The following COL24A1 variants were observed in gnomAD, a reference collection of about 807,000 sequenced individuals.
COL24A1 encodes the protein collagen alpha-1(XXIV) chain.
Under a neutral mutation model 253.9 loss-of-function variants are expected in COL24A1, and 224 were observed. The observed-to-expected ratio is 0.88, with a 90% CI of 0.79 to 0.99. COL24A1 has a LOEUF of 0.99. Ranked by LOEUF, COL24A1 falls within the 50% of genes least tolerant of loss-of-function variation. The pLI, the probability that COL24A1 is intolerant of heterozygous loss-of-function variation, is 0.00. For missense variants in COL24A1, 2,131 were observed against 2,068.5 expected, an observed-to-expected ratio of 1.03 and a Z score of -0.59; for synonymous variants, 685 against 673.7, an observed-to-expected ratio of 1.02 and a Z score of -0.26.
chr1:85,875,813 G>A (rs990394734), intron 33 of COL24A1, among the ~76,000 whole-genome samples: 3 of 150,446 alleles, frequency 2.0e-5, no homozygotes, highest in African/African-American at 7.4e-5. Flanking sequence ...ATTTTTGTTG[G>A]GAAGCTTTCA....
At chr1:85,981,124 A>G (rs1311128346) in intron 20 of COL24A1, among the ~76,000 whole-genome samples, 1 of 152,196 alleles carries the variant, frequency 6.6e-6, no homozygotes, top group African/African-American at 2.4e-5. Context: ...TACCATCATC[A>G]TTCTTCATGG....
chr1:86,055,373 C>A (rs1263816753), intron 10 of COL24A1, among the ~76,000 whole-genome samples: 3 of 152,070 alleles, frequency 2.0e-5, no homozygotes, highest in African/African-American at 7.2e-5. Context: ...AAGTGTGAAA[C>A]CTAACTAAAG....
At chr1:86,153,075 T>C (rs1365845852) in intron 1 of COL24A1, among the ~76,000 whole-genome samples, 1 of 152,198 alleles carries the variant, frequency 6.6e-6, no homozygotes, top group African/African-American at 2.4e-5. Flanking sequence ...GGCCCTCAAA[T>C]GCACTGTGCT....
chr1:85,861,914 C>A (rs963378182), intron 37 of COL24A1, among the ~76,000 whole-genome samples: 1 of 151,946 alleles, frequency 6.6e-6, no homozygotes. Flanking sequence ...ATACTCAGCT[C>A]ATTCTCACCT....
intron 19 of COL24A1, among the ~76,000 whole-genome samples, chr1:86,012,378 A>G (rs1346598276): frequency 6.6e-6 from 1 of 152,150 alleles, no homozygotes; most frequent in Non-Finnish European, 1.5e-5. Flanking sequence ...TCACGAGGTC[A>G]GGAGATCAAG....
chr1:85,824,649 A>G (rs1014516679), intron 43 of COL24A1, among the ~76,000 whole-genome samples: 8 of 152,128 alleles, frequency 5.3e-5, no homozygotes, highest in South Asian at 4.1e-4. Context: ...TTCTCCTAAG[A>G]AGGAATGCTG....
chr1:85,948,891 G>A (rs932456835), intron 24 of COL24A1, among the ~76,000 whole-genome samples: 13 of 151,886 alleles, frequency 8.6e-5, no homozygotes, highest in African/African-American at 2.7e-4. Context: ...CTGGCAAGCT[G>A]AATCTAACAG....
chr1:85,945,018 T>TTTTTTTTTTTTTTTTTTG (rs1689175327), intron 24 of COL24A1, among the ~76,000 whole-genome samples: 1 of 86,838 alleles, frequency 1.2e-5, no homozygotes, highest in African/African-American at 4.3e-5. Context: ...TTTTTTTTTT[T>TTTTTTTTTTTTTTTTTTG]TTTTTTTTTT....
At chr1:85,921,004 A>G (rs1360939070) in intron 24 of COL24A1, among the ~76,000 whole-genome samples, 2 of 152,158 alleles carry the variant, frequency 1.3e-5, no homozygotes, top group African/African-American at 4.8e-5. Context: ...ATGGCCAAAT[A>G]GGAACAGCTC....
chr1:85,878,840 T>C (rs745643176), intron 32 of COL24A1, among the ~76,000 whole-genome samples: 2 of 152,232 alleles, frequency 1.3e-5, no homozygotes, highest in Non-Finnish European at 2.9e-5. Flanking sequence ...ACATATGATG[T>C]TGAGCATATT....
At chr1:85,743,304 T>C (rs570852634) in intron 57 of COL24A1, among the ~76,000 whole-genome samples, 1 of 152,220 alleles carries the variant, frequency 6.6e-6, no homozygotes, top group South Asian at 2.1e-4. Context: ...ACTTGCTAGG[T>C]ATACTCAAAG....
intron 24 of COL24A1, among the ~76,000 whole-genome samples, chr1:85,956,123 A>G (rs1038016457): frequency 6.6e-6 from 1 of 152,208 alleles, no homozygotes; most frequent in Non-Finnish European, 1.5e-5. Context: ...CTACTTACTC[A>G]CTGTATGAAT....
intron 19 of COL24A1, among the ~76,000 whole-genome samples, chr1:86,001,887 A>G (rs1695447243): frequency 6.6e-6 from 1 of 152,204 alleles, no homozygotes; most frequent in Admixed American, 6.5e-5. Flanking sequence ...TTTTAATTTT[A>G]TCAAACCTAA....
At position 85,743,089 on chromosome 1, in the gene COL24A1, A is replaced by G. The variant is rs1199559060; in HGVS notation, c.4672+1577T>C. Among the ~76,000 whole-genome samples the G allele has an allele frequency of 3.3e-5, 5 of 152,148 alleles. No individual in the cohort carries two copies. In the East Asian group the frequency reaches 9.6e-4, roughly 29 times the overall value. On this transcript the variant is annotated intron_variant, in intron 57 of 59. Transcript: ENST00000370571. The stretch of plus-strand genomic sequence containing the variant: ...ACATATTAGCTAGAGTAATATTTTA[A>G]AAATCTGAGCCAAATTATGTCACTT...
chr1:85,860,197 A>G (rs919986933), intron 37 of COL24A1, among the ~76,000 whole-genome samples: 1 of 152,230 alleles, frequency 6.6e-6, no homozygotes, highest in Non-Finnish European at 1.5e-5. Flanking sequence ...ATACTCATAC[A>G]TGATATCCAC....
At chr1:85,948,847 T>A (rs1335148666) in intron 24 of COL24A1, among the ~76,000 whole-genome samples, 3 of 151,116 alleles carry the variant, frequency 2.0e-5, no homozygotes, top group Non-Finnish European at 4.4e-5. Context: ...TAATAAAAAA[T>A]ATATATATAT....
intron 43 of COL24A1, among the ~76,000 whole-genome samples, chr1:85,829,985 G>A (rs1674970029): frequency 6.6e-6 from 1 of 152,126 alleles, no homozygotes; most frequent in Admixed American, 6.6e-5. Flanking sequence ...TTCCTTTGGA[G>A]GAGGAGAGGC....
intron 53 of COL24A1, among the ~76,000 whole-genome samples, chr1:85,767,247 A>G (rs867674163): frequency 3.9e-5 from 6 of 152,162 alleles, no homozygotes; most frequent in African/African-American, 1.4e-4. Flanking sequence ...CATTCCAAAA[A>G]TGCACCATTT....
rs564838038 is a variant in COL24A1, at chr1:86,031,462, C to T, written c.2049+416G>A. On this transcript the variant is annotated intron_variant, in intron 14 of 59. Coordinates refer to ENST00000370571, the MANE Select transcript of COL24A1 (RefSeq NM_152890.7). ...CAAGCACCAATTATTCAAATTTGAT[C>T]ATTACACATTTTTGCTTGTAACAAA... is the stretch of plus-strand genomic sequence containing the variant. Among the ~76,000 whole-genome samples, 5 of 152,026 alleles carry T rather than the reference C, an allele frequency of 3.3e-5. No homozygotes were observed. The East Asian group carries it at 9.7e-4, about 29-fold the overall frequency.
Sources: allele counts gnomAD v4.1 joint callset (sites outside exome capture counted in the v4.1 genomes callset), GRCh38; gene constraint gnomAD v4.1.1; transcripts MANE v1.5; gene names NCBI Gene and HGNC (gene_info 2026-07-23, HGNC 2026-07-21).